The following FRMD4A variants were observed in gnomAD, a reference collection of about 807,000 sequenced individuals.
FRMD4A encodes FERM domain containing 4A.
Under a neutral mutation model 129.1 loss-of-function variants are expected in FRMD4A, and 29 were observed. The ratio of observed to expected loss-of-function variants is 0.22; its 90% CI spans 0.17 to 0.31. The LOEUF (loss-of-function observed/expected upper bound fraction) is 0.31, where lower values mean the gene tolerates loss of function less well. Ranked by LOEUF, FRMD4A falls within the 10% of genes least tolerant of loss-of-function variation. FRMD4A has a pLI of 1.00. For missense variants in FRMD4A, 1,272 were observed against 1,375.8 expected (o/e 0.92, Z 1.19); for synonymous variants, 634 against 571.6 (o/e 1.11, Z -1.56).
chr10:14,246,033 T>C (rs545409557), intron 2 of FRMD4A, among the ~76,000 whole-genome samples: 1 of 152,238 alleles, frequency 6.6e-6, no homozygotes, highest in East Asian at 1.9e-4. Context: ...TTCCAAAAAC[T>C]GAGGCAAAGG....
chr10:13,895,468 T>C (rs1420415985), intron 2 of FRMD4A, among the ~76,000 whole-genome samples: 3 of 152,222 alleles, frequency 2.0e-5, no homozygotes, highest in African/African-American at 7.2e-5. Context: ...TGCCATGTTT[T>C]CACTGTATCC....
At chr10:13,801,117 C>T (rs911091635) in intron 4 of FRMD4A, among the ~76,000 whole-genome samples, 1 of 152,098 alleles carries the variant, frequency 6.6e-6, no homozygotes, top group Admixed American at 6.5e-5. Context: ...TGTGGTGGCA[C>T]GTGCCTGTAG....
intron 15 of FRMD4A, among the ~76,000 whole-genome samples, chr10:13,690,306 T>C (rs545214661): frequency 1.2e-4 from 18 of 152,328 alleles, no homozygotes; most frequent in African/African-American, 4.3e-4. Flanking sequence ...GATTTCCCCA[T>C]TGCAAGGGAT....
In FRMD4A at chr10:13,990,393, G is replaced by T. The variant is rs151083023; in HGVS notation, c.46-131481C>A. 5.4e-3 allele frequency among the ~76,000 whole-genome samples: 829 copies of T among 152,320 alleles called. 3 individuals are homozygous for T. Among genetic ancestry groups the T allele is most frequent in the Non-Finnish European group, 8.3e-3 (565 of 68,022 alleles). On this transcript the variant is annotated intron_variant, in intron 2 of 24. Coordinates refer to ENST00000357447, the MANE Select transcript of FRMD4A (RefSeq NM_018027.5). ...GTAAGGACTGAGAAGGCCCAGAGAC[G>T]TGCCTTCCTCTTCTTTCCAGGGTCC...
chr10:13,937,394 G>A (rs1212981364), intron 2 of FRMD4A, among the ~76,000 whole-genome samples: 4 of 152,130 alleles, frequency 2.6e-5, no homozygotes, highest in African/African-American at 9.7e-5. Flanking sequence ...AAGAGTTAAC[G>A]TTTCATGTTG....
intron 2 of FRMD4A, among the ~76,000 whole-genome samples, chr10:14,290,737 G>A (rs897297945): frequency 3.3e-5 from 5 of 152,014 alleles, no homozygotes; most frequent in African/African-American, 1.2e-4. Context: ...CAAGTGGGAT[G>A]ACTACAAACT....
chr10:14,288,046 T>C (rs1325873912), intron 2 of FRMD4A, among the ~76,000 whole-genome samples: 3 of 151,954 alleles, frequency 2.0e-5, no homozygotes, highest in Non-Finnish European at 2.9e-5. Flanking sequence ...CTTTCTACGG[T>C]GAAGAGATGG....
At chr10:13,752,906 T>C (rs4130145) in intron 8 of FRMD4A, among the ~76,000 whole-genome samples, 61,034 of 152,120 alleles carry the variant, frequency 0.4, 12,746 homozygotes, top group African/African-American at 0.52. Context: ...CGCATATCCA[T>C]GTTTTGGGCT....
chr10:13,982,356 G>A (rs954962159), intron 2 of FRMD4A, among the ~76,000 whole-genome samples: 2 of 151,742 alleles, frequency 1.3e-5, no homozygotes, highest in Admixed American at 6.6e-5. Flanking sequence ...GGTGGCATGC[G>A]CCTGTAATTC....
intron 24 of FRMD4A, among the ~76,000 whole-genome samples, chr10:13,650,387 C>G (rs116337128): frequency 6.6e-6 from 1 of 152,142 alleles, no homozygotes; most frequent in African/African-American, 2.4e-5. Context: ...TATGTGTGTC[C>G]CTGCATGTGC....
chr10:14,202,673 T>C (rs1386714657), intron 2 of FRMD4A, among the ~76,000 whole-genome samples: 11 of 152,300 alleles, frequency 7.2e-5, no homozygotes, highest in South Asian at 4.2e-4. Flanking sequence ...AGTGCTGGGA[T>C]TACAGGCATG....
At chr10:13,688,471 C>G (rs981350359) in intron 15 of FRMD4A, among the ~76,000 whole-genome samples, 2 of 152,010 alleles carry the variant, frequency 1.3e-5, no homozygotes, top group Admixed American at 1.3e-4. Flanking sequence ...GTGCAGCACA[C>G]CAACATGGCA....
intron 2 of FRMD4A, among the ~76,000 whole-genome samples, chr10:14,016,826 A>G (rs536136262): frequency 6.6e-6 from 1 of 152,366 alleles, no homozygotes; most frequent in African/African-American, 2.4e-5. Context: ...GGATCTAGCC[A>G]TAGAGAATGT....
chr10:13,959,203 A>C (rs953433615), intron 2 of FRMD4A, among the ~76,000 whole-genome samples: 2 of 152,016 alleles, frequency 1.3e-5, no homozygotes, highest in Admixed American at 1.3e-4. Context: ...CTAGGTGCGG[A>C]GGGTCACACC....
At chr10:13,737,779 G>T in intron 12 of FRMD4A, 65 bp downstream of exon 12, 1 of 873,328 alleles carries the variant, frequency 1.1e-6, no homozygotes, top group South Asian at 1.4e-5. Flanking sequence ...TTTTTAAAGT[G>T]ACTCCTACGC....
chr10:13,806,513 G>A (rs185024748), intron 4 of FRMD4A, among the ~76,000 whole-genome samples: 5 of 152,314 alleles, frequency 3.3e-5, no homozygotes, highest in Admixed American at 3.3e-4. Context: ...TAACTTTACA[G>A]GCCCCTGGGA....
intron 3 of FRMD4A, among the ~76,000 whole-genome samples, chr10:13,829,535 C>T (rs1174256302): frequency 6.6e-6 from 1 of 152,190 alleles, no homozygotes; most frequent in African/African-American, 2.4e-5. Context: ...GAGTTCTGTT[C>T]CCACGTCCAA....
chr10:13,685,361 AGAG>A, intron 15 of FRMD4A: 1 of 984,474 alleles, frequency 1.0e-6, no homozygotes, highest in South Asian at 4.7e-5. Context: ...TAACAGAGAG[AGAG>A]GAGAATGGAA....
chr10:14,122,337 C>T (rs1428522484), intron 2 of FRMD4A, among the ~76,000 whole-genome samples: 5 of 152,070 alleles, frequency 3.3e-5, no homozygotes, highest in Admixed American at 1.3e-4. Context: ...TTTTTTTATA[C>T]GTAAAAAACG....
Sources: allele counts gnomAD v4.1 joint callset (sites outside exome capture counted in the v4.1 genomes callset), GRCh38; gene constraint gnomAD v4.1.1; transcripts MANE v1.5; gene names NCBI Gene and HGNC (gene_info 2026-07-23, HGNC 2026-07-21).